RUNDC1: variants seen among roughly 807,000 people sequenced by gnomAD.
RUNDC1 encodes RUN domain containing 1.
In RUNDC1, 31 loss-of-function variants were observed where a neutral mutation model predicts 49.3. That is an observed-to-expected ratio of 0.63 (90% CI 0.47 to 0.85). The LOEUF (loss-of-function observed/expected upper bound fraction) is 0.85. Ranked by LOEUF, RUNDC1 falls within the 40% of genes least tolerant of loss-of-function variation. The probability of loss-of-function intolerance (pLI) is 0.00; values close to 1 mark genes in which losing one functional copy is unlikely to be tolerated. For missense variants in RUNDC1, 715 were observed against 806.7 expected, an observed-to-expected ratio of 0.89 and a Z score of 1.38; for synonymous variants, 347 against 348.6, an observed-to-expected ratio of 1.00 and a Z score of 0.05.
At chr17:42,983,375 CTT>C (rs1179147349) in intron 1 of RUNDC1, among the ~76,000 whole-genome samples, 22 of 129,526 alleles carry the variant, frequency 1.7e-4, no homozygotes, top group Non-Finnish European at 3.1e-4. Context: ...TTTCTTTTTC[CTT>C]TTTTTTTTTT....
intron 2 of RUNDC1, among the ~76,000 whole-genome samples, chr17:42,987,645 T>C (rs1354875421): frequency 6.6e-6 from 1 of 152,236 alleles, no homozygotes; most frequent in Non-Finnish European, 1.5e-5. Flanking sequence ...TTCTTTTTGG[T>C]GATTGTAATT....
rs145339499 is a variant in RUNDC1, at chr17:42,994,939, G to T, written c.*3223G>T. On this transcript the variant is annotated 3_prime_UTR_variant, in exon 5 of 5. Coordinates refer to ENST00000361677, the MANE Select transcript of RUNDC1 (RefSeq NM_173079.5). ...AGGGTGTGTTGTACAAGTATGATCT[G>T]CAAAGTATTGTTAAAGCCGTCTAAG... 3.7e-4 allele frequency among the ~76,000 whole-genome samples: 48 copies of T among 130,122 alleles called. No individual in the cohort carries two copies. Among genetic ancestry groups the T allele is most frequent in the Non-Finnish European group, 6.6e-4 (38 of 57,566 alleles). The allele number at this position is 130,122 out of a possible 152,430, so 85.4% of individuals were successfully genotyped here.
At chr17:42,981,878 A>G (rs1420000816) in intron 1 of RUNDC1, 1 of 152,194 alleles carries the variant, frequency 6.6e-6, no homozygotes, top group Non-Finnish European at 1.5e-5. Flanking sequence ...CTACCCCAGA[A>G]GTAGTGAAAC....
intron 1 of RUNDC1, among the ~76,000 whole-genome samples, chr17:42,983,363 T>G (rs1299524635): frequency 6.6e-6 from 1 of 150,920 alleles, no homozygotes; most frequent in Non-Finnish European, 1.5e-5. Context: ...CTTACCTTTT[T>G]TTTTCTTTTT....
intron 1 of RUNDC1, among the ~76,000 whole-genome samples, chr17:42,986,722 A>G: frequency 6.6e-6 from 1 of 150,792 alleles, no homozygotes; most frequent in East Asian, 2.0e-4. Flanking sequence ...AGGATGGTCA[A>G]TCTCCTGACC....
intron 2 of RUNDC1, 82 bp downstream of exon 2, chr17:42,987,496 C>T (rs2050186966): frequency 7.3e-7 from 1 of 1,361,402 alleles, no homozygotes; most frequent in Non-Finnish European, 1.0e-6. Flanking sequence ...CCTCTCTCAG[C>T]TCAGTTCTCC....
rs1420922726 is a variant in RUNDC1 at position 42,991,396 on chromosome 17, A to G, written c.1522A>G (p.Thr508Ala). 1 of 1,614,164 alleles carries G rather than the reference A, an allele frequency of 6.2e-7. No homozygotes were observed. Among genetic ancestry groups the G allele is most frequent in the Non-Finnish European group, 8.5e-7 (1 of 1,180,016 alleles). Residue 508 changes from threonine (T) to alanine (A), a missense_variant, in exon 5 of 5, where the codon ACT becomes GCT. Transcript: ENST00000361677. The stretch of plus-strand genomic sequence containing the variant: ...CTTCGCCCTTCCTGTTACGGGAGGC[A>G]CTGTTGTCACCCCCAAACAGAGCCT... Reference protein sequence around the residue: ...QSFALPVTGGTVVTPKQSLLT... With the variant: ...QSFALPVTGGAVVTPKQSLLT...
intron 1 of RUNDC1, among the ~76,000 whole-genome samples, chr17:42,986,039 GC>G (rs1466145271): frequency 1.3e-5 from 2 of 151,476 alleles, no homozygotes; most frequent in Non-Finnish European, 2.9e-5. Flanking sequence ...TTGCCCTATT[GC>G]CCAGGCTGGA....
intron 2 of RUNDC1, among the ~76,000 whole-genome samples, chr17:42,988,359 TCTC>T (rs1299486916): frequency 1.3e-5 from 2 of 151,782 alleles, no homozygotes; most frequent in African/African-American, 4.8e-5. Flanking sequence ...TTCAAGCAAT[TCTC>T]CTGCCTCAGC....
At chr17:42,990,167 A>T in intron 3 of RUNDC1, 150 bp from the exon 4 acceptor site, 1 of 947,680 alleles carries the variant, frequency 1.1e-6, no homozygotes, top group Non-Finnish European at 1.5e-6. Context: ...TGAGCCAACT[A>T]CTGTATGCCA....
At chr17:42,984,824 A>C (rs538746950) in intron 1 of RUNDC1, among the ~76,000 whole-genome samples, 1 of 151,564 alleles carries the variant, frequency 6.6e-6, no homozygotes, top group African/African-American at 2.4e-5. Flanking sequence ...TGGTTAGACA[A>C]CTTTCTCCAC....
chr17:42,989,665 C>G, intron 3 of RUNDC1, 126 bp downstream of exon 3: 1 of 840,996 alleles, frequency 1.2e-6, no homozygotes, highest in Non-Finnish European at 1.9e-6. Context: ...GACAGTGTCT[C>G]TCTCTGTTCC....
chr17:42,983,216 T>A (rs1231596748), intron 1 of RUNDC1, among the ~76,000 whole-genome samples: 8 of 130,566 alleles, frequency 6.1e-5, no homozygotes, highest in Non-Finnish European at 1.1e-4. Context: ...TGTACCACCT[T>A]AAAAAAAAAA....
At position 42,981,055 on chromosome 17, in the gene RUNDC1, G is replaced by T. The variant is rs747204117; in HGVS notation, c.479G>T (p.Trp160Leu). Residue 160 changes from tryptophan (W) to leucine (L), a missense_variant, in exon 1 of 5, where the codon TGG becomes TTG. Physicochemically the swap from Trp to Leu is moderately conservative, Grantham distance 61. Transcript: ENST00000361677. The part of the protein sequence containing the change: ...EGDGLPGDRP[W>L]LRGEDQSEQE... ...GATGGGCTGCCAGGGGACCGGCCAT[G>T]GTTGCGGGGCGAGGACCAGGTGAGT... The T allele has an allele frequency of 3.2e-6, 5 of 1,561,424 alleles. No homozygotes were observed. Among genetic ancestry groups the T allele is most frequent in the Non-Finnish European group, 4.3e-6 (5 of 1,161,464 alleles).
rs1211202716 is a variant in RUNDC1, at chr17:42,993,359, A to G, written c.*1643A>G. The G allele has an allele frequency of 6.6e-6, 1 of 152,182 alleles. No individual in the cohort carries two copies. Among genetic ancestry groups the G allele is most frequent in the African/African-American group, 2.4e-5 (1 of 41,430 alleles). The allele number at this position is 152,182 out of a possible 1,614,324, so 9.4% of individuals were successfully genotyped here. A position where few individuals can be genotyped will look rare whatever the true frequency, so the allele number is the denominator to read the frequency against. ...AAATGGGCAAAATGTATCACTCCAA[A>G]CACTACTGATTCAGCATTGTTTTCA... On this transcript the variant is annotated 3_prime_UTR_variant, in exon 5 of 5. Coordinates refer to ENST00000361677, the MANE Select transcript of RUNDC1 (RefSeq NM_173079.5).
rs1469936042 is a variant in RUNDC1 at position 42,994,818 on chromosome 17, A to G, written c.*3102A>G. ...CTCTGTCCTTCACTTAGGGTGAGAC[A>G]GGACAAGGGAGGAGAGGCAGGCCAG... On this transcript the variant is annotated 3_prime_UTR_variant, in exon 5 of 5. Coordinates refer to ENST00000361677, the MANE Select transcript of RUNDC1 (RefSeq NM_173079.5). Among the ~76,000 whole-genome samples the G allele has an allele frequency of 2.0e-5, 3 of 152,196 alleles. No individual in the cohort carries two copies. Among genetic ancestry groups the G allele is most frequent in the African/African-American group, 7.2e-5 (3 of 41,442 alleles).
intron 1 of RUNDC1, among the ~76,000 whole-genome samples, chr17:42,984,819 A>T (rs1367533705): frequency 1.3e-5 from 2 of 151,666 alleles, no homozygotes; most frequent in Admixed American, 6.6e-5. Flanking sequence ...TAGGCTGGTT[A>T]GACAACTTTC....
chr17:42,990,569 T>A, intron 4 of RUNDC1, 133 bp downstream of exon 4: 1 of 962,990 alleles, frequency 1.0e-6, no homozygotes. Context: ...TTGGGAAGGA[T>A]GAAATATTCT....
chr17:42,989,664 T>C, intron 3 of RUNDC1, 125 bp downstream of exon 3: 3 of 845,362 alleles, frequency 3.5e-6, no homozygotes, highest in African/African-American at 1.7e-5. Flanking sequence ...GGACAGTGTC[T>C]CTCTCTGTTC....
Sources: gnomAD v4.1 joint callset for allele counts (sites outside exome capture counted in the v4.1 genomes callset) on GRCh38, gnomAD v4.1.1 for gene constraint, MANE v1.5 for transcripts, NCBI Gene and HGNC (gene_info 2026-07-23, HGNC 2026-07-21) for gene names.